The following NKAIN3 variants were observed in gnomAD, a reference collection of about 807,000 sequenced individuals.
NKAIN3 encodes sodium/potassium-transporting ATPase subunit beta-1-interacting protein 3.
In NKAIN3, 25 loss-of-function variants were observed where a neutral mutation model predicts 30.2. The observed-to-expected ratio is 0.83, with a 90% CI of 0.60 to 1.16. The LOEUF (loss-of-function observed/expected upper bound fraction) is 1.16. Ranked by LOEUF, NKAIN3 falls within the 50% of genes most tolerant of loss-of-function variation. The pLI is 0.00. For missense variants in NKAIN3, 225 were observed against 254.1 expected (o/e 0.89, Z 0.78); for synonymous variants, 91 against 89.6 (o/e 1.02, Z -0.09).
At chr8:62,804,689 A>T (rs369377959) in intron 4 of NKAIN3, among the ~76,000 whole-genome samples, 1 of 152,216 alleles carries the variant, frequency 6.6e-6, no homozygotes, top group South Asian at 2.1e-4. Context: ...CCCACAGCCA[A>T]TATCATACTG....
intron 3 of NKAIN3, among the ~76,000 whole-genome samples, chr8:62,629,609 T>G (rs555656675): frequency 6.6e-6 from 1 of 152,296 alleles, no homozygotes; most frequent in South Asian, 2.1e-4. Flanking sequence ...ATTATTTTCA[T>G]GCAAAGACAT....
chr8:62,353,194 C>T (rs1326899366), intron 1 of NKAIN3, among the ~76,000 whole-genome samples: 1 of 152,114 alleles, frequency 6.6e-6, no homozygotes, highest in East Asian at 1.9e-4. Context: ...CCCAGGTGAA[C>T]CTTGGCCTGT....
At chr8:62,577,465 TGTTTTTTTTTTG>T (rs1057349967) in intron 1 of NKAIN3, among the ~76,000 whole-genome samples, 45 of 102,542 alleles carry the variant, frequency 4.4e-4, no homozygotes, top group Middle Eastern at 5.0e-3. Flanking sequence ...GTTTTTTTGT[TGTTTTTTTTTTG>T]GTTTTTTTTT....
At chr8:62,435,231 C>T (rs932202223) in intron 1 of NKAIN3, among the ~76,000 whole-genome samples, 2 of 152,178 alleles carry the variant, frequency 1.3e-5, no homozygotes, top group South Asian at 4.1e-4. Flanking sequence ...TAAAGGGTCT[C>T]AGGGCTAGAC....
rs117489914 is a variant in NKAIN3, at chr8:62,891,255, G to A, written c.472-27198G>A. Among the ~76,000 whole-genome samples, 39 of 152,316 alleles carry A rather than the reference G, an allele frequency of 2.6e-4. 1 individual carries two copies. In the East Asian group the frequency reaches 6.0e-3, roughly 23 times the overall value. ...AAAAGGTGGGAGAAACTTACTTGCT[G>A]AGTCTTCTGGCCTTCATCTTTCTCC... is the stretch of plus-strand genomic sequence containing the variant. On this transcript the variant is annotated intron_variant, in intron 4 of 6. Coordinates refer to ENST00000623646, the MANE Select transcript of NKAIN3 (RefSeq NM_001304533.3).
chr8:62,365,599 C>T (rs1422979379), intron 1 of NKAIN3, among the ~76,000 whole-genome samples: 1 of 152,038 alleles, frequency 6.6e-6, no homozygotes, highest in African/African-American at 2.4e-5. Flanking sequence ...TTATGCATAT[C>T]ATCTTGTACA....
In NKAIN3 at chr8:62,401,793, T is replaced by G. The variant is rs535882935; in HGVS notation, c.54+152666T>G. On this transcript the variant is annotated intron_variant, in intron 1 of 6. Coordinates refer to ENST00000623646, the MANE Select transcript of NKAIN3 (RefSeq NM_001304533.3). ...TACTTTCTCCCAAATAAACAGAGTC[T>G]TTCTGTCTGAACTGAGCTTCTAGGG... 4.6e-5 allele frequency among the ~76,000 whole-genome samples: 7 copies of G among 152,356 alleles called. No homozygotes were observed. In the East Asian group the frequency reaches 1.4e-3, roughly 29 times the overall value.
chr8:62,783,462 G>A (rs1817420245), intron 4 of NKAIN3, among the ~76,000 whole-genome samples: 1 of 151,990 alleles, frequency 6.6e-6, no homozygotes, highest in Non-Finnish European at 1.5e-5. Context: ...CCCAGTCTAT[G>A]GTATTTGGTT....
chr8:62,924,701 G>A (rs1822387431), intron 5 of NKAIN3, among the ~76,000 whole-genome samples: 1 of 152,004 alleles, frequency 6.6e-6, no homozygotes, highest in Non-Finnish European at 1.5e-5. Flanking sequence ...AGTTCTTCTG[G>A]GCTGCTATAT....
intron 1 of NKAIN3, among the ~76,000 whole-genome samples, chr8:62,440,044 TAG>T (rs1441834191): frequency 6.6e-6 from 1 of 152,054 alleles, no homozygotes; most frequent in East Asian, 1.9e-4. Flanking sequence ...CCTTTCTTTT[TAG>T]CCAAAATTGG....
At chr8:62,556,263 G>T (rs1036700078) in intron 1 of NKAIN3, among the ~76,000 whole-genome samples, 12 of 151,774 alleles carry the variant, frequency 7.9e-5, no homozygotes, top group Admixed American at 7.9e-4. Context: ...AGAAGTAAAA[G>T]ATAATGATTA....
In NKAIN3 at chr8:62,891,558, G is replaced by A. The variant is rs141194449; in HGVS notation, c.472-26895G>A. Among the ~76,000 whole-genome samples, 831 of 152,216 alleles carry A rather than the reference G, an allele frequency of 5.5e-3. 6 individuals are homozygous for A. The highest frequency in any genetic ancestry group is 0.019 in the African/African-American group (787 of 41,548). On this transcript the variant is annotated intron_variant, in intron 4 of 6. Coordinates refer to ENST00000623646, the MANE Select transcript of NKAIN3 (RefSeq NM_001304533.3). ...TATATACACCTATCCTATTAGTTGT[G>A]TCCCTCTAGAGAACCCTGACTAATA...
intron 1 of NKAIN3, among the ~76,000 whole-genome samples, chr8:62,349,737 A>G (rs1816123587): frequency 6.6e-6 from 1 of 152,120 alleles, no homozygotes; most frequent in African/African-American, 2.4e-5. Context: ...GTTGAAGGGA[A>G]AGTAGCCTCT....
intron 3 of NKAIN3, among the ~76,000 whole-genome samples, chr8:62,693,930 AT>A (rs1383500888): frequency 1.3e-5 from 2 of 152,228 alleles, no homozygotes; most frequent in African/African-American, 4.8e-5. Flanking sequence ...AAAAAGTTGC[AT>A]TAATCATAAA....
At chr8:62,768,403 C>T (rs143206563) in intron 4 of NKAIN3, among the ~76,000 whole-genome samples, 30 of 152,262 alleles carry the variant, frequency 2.0e-4, no homozygotes, top group Admixed American at 1.0e-3. Flanking sequence ...TAGCCATAAT[C>T]TTTCTGTGCT....
rs115437772 is a variant in NKAIN3 at position 62,323,296 on chromosome 8, A to G, written c.54+74169A>G. ...AGCAACAAAGATGTCCTTTACAGAG[A>G]TACTCTCTAAAAGAAAATGATATTT... On this transcript the variant is annotated intron_variant, in intron 1 of 6. Transcript: ENST00000623646. Among the ~76,000 whole-genome samples, 1,363 of 152,300 alleles carry G rather than the reference A, an allele frequency of 8.9e-3. 28 individuals carry two copies. The highest frequency in any genetic ancestry group is 0.031 in the African/African-American group (1,287 of 41,552).
chr8:62,284,061 G>T lies in NKAIN3; in HGVS notation c.54+34934G>T, dbSNP rs139667850. On this transcript the variant is annotated intron_variant, in intron 1 of 6. Transcript: ENST00000623646. Reference sequence around the variant, plus strand: ...AACTCTTCTTCCACTTTTCCTTTTTGAGACCTGTGACCACATAGCCGAGAA... The same window carrying T: ...AACTCTTCTTCCACTTTTCCTTTTTTAGACCTGTGACCACATAGCCGAGAA... Among the ~76,000 whole-genome samples, 241 of 152,144 alleles carry T rather than the reference G, an allele frequency of 1.6e-3. 3 individuals carry two copies. In the East Asian group the frequency reaches 0.042, roughly 27 times the overall value.
intron 3 of NKAIN3, among the ~76,000 whole-genome samples, chr8:62,632,314 C>A (rs907243383): frequency 6.6e-6 from 1 of 151,874 alleles, no homozygotes; most frequent in African/African-American, 2.4e-5. Flanking sequence ...GCTTATTAAC[C>A]CTTTAGAGAA....
intron 3 of NKAIN3, among the ~76,000 whole-genome samples, chr8:62,612,772 C>T (rs1811335599): frequency 6.6e-6 from 1 of 151,522 alleles, no homozygotes; most frequent in African/African-American, 2.4e-5. Flanking sequence ...TTTGTGTATC[C>T]ATTGTATGTT....
Sources: allele counts gnomAD v4.1 joint callset (sites outside exome capture counted in the v4.1 genomes callset), GRCh38; gene constraint gnomAD v4.1.1; transcripts MANE v1.5; gene names NCBI Gene and HGNC (gene_info 2026-07-23, HGNC 2026-07-21).